Variants in SAMSN1 observed in about 807,000 individuals in gnomAD.
SAMSN1 encodes SAM domain, SH3 domain and nuclear localization signals 1.
A neutral mutation model predicts 42.0 loss-of-function variants in SAMSN1; 31 were observed. That is an observed-to-expected ratio of 0.74 (90% CI 0.55 to 1.00). The LOEUF is 1.00. SAMSN1 is among the 50% of genes least tolerant of loss of function. The pLI is 0.00. For missense variants in SAMSN1, 464 were observed against 439.4 expected (o/e 1.06, Z -0.50); for synonymous variants, 178 against 151.9 (o/e 1.17, Z -1.26).
At chr21:14,550,168 C>T (rs1980552144), upstream of SAMSN1, among the ~76,000 whole-genome samples, 1 of 151,940 alleles carries the variant, frequency 6.6e-6, no homozygotes, top group Non-Finnish European at 1.5e-5. Flanking sequence ...ATGGATATTC[C>T]CCCTGGCCTA....
At chr21:14,557,523 A>G (rs1245138508) in intron 2 of SAMSN1, among the ~76,000 whole-genome samples, 1 of 152,156 alleles carries the variant, frequency 6.6e-6, no homozygotes, top group Non-Finnish European at 1.5e-5. Context: ...GCCTGTACAC[A>G]CATCATTGCT....
chr21:14,569,488 C>T (rs1981223533), intron 2 of SAMSN1, among the ~76,000 whole-genome samples: 1 of 152,066 alleles, frequency 6.6e-6, no homozygotes, highest in Non-Finnish European at 1.5e-5. Context: ...TATTTTTAAT[C>T]TTAACCCTCA....
chr21:14,504,532 A>G (rs1243808094), intron 5 of SAMSN1, among the ~76,000 whole-genome samples: 1 of 152,228 alleles, frequency 6.6e-6, no homozygotes, highest in African/African-American at 2.4e-5. Context: ...GGTCTTTGAA[A>G]TTATCCAAAC....
chr21:14,651,787 T>G (rs1006413980), intron 1 of SAMSN1, among the ~76,000 whole-genome samples: 2 of 151,930 alleles, frequency 1.3e-5, no homozygotes, highest in Non-Finnish European at 2.9e-5. Flanking sequence ...TAAAAATTCC[T>G]CAGGAAAACT....
At chr21:14,561,789 C>T (rs1980954569) in intron 2 of SAMSN1, among the ~76,000 whole-genome samples, 1 of 152,194 alleles carries the variant, frequency 6.6e-6, no homozygotes, top group Non-Finnish European at 1.5e-5. Flanking sequence ...TGGACACCCA[C>T]ATGCACAAAG....
At chr21:14,609,978 G>A (rs1451223134) in intron 4 of SAMSN1, among the ~76,000 whole-genome samples, 1 of 152,164 alleles carries the variant, frequency 6.6e-6, no homozygotes, top group Non-Finnish European at 1.5e-5. Context: ...AGGTGAGGAT[G>A]TATGTCGCCT....
At chr21:14,497,768 C>A (rs748347186) in intron 7 of SAMSN1, among the ~76,000 whole-genome samples, 1 of 152,018 alleles carries the variant, frequency 6.6e-6, no homozygotes, top group Non-Finnish European at 1.5e-5. Flanking sequence ...TGTTTGGGGG[C>A]CTGACCGGAT....
At chr21:14,525,968 G>A (rs761318975) in intron 1 of SAMSN1, among the ~76,000 whole-genome samples, 3 of 152,028 alleles carry the variant, frequency 2.0e-5, no homozygotes, top group Non-Finnish European at 2.9e-5. Context: ...GGATTGAAGC[G>A]ATTCTCCTGC....
chr21:14,491,227 A>G (rs1217945578), intron 7 of SAMSN1, among the ~76,000 whole-genome samples: 1 of 151,886 alleles, frequency 6.6e-6, no homozygotes, highest in African/African-American at 2.4e-5. Flanking sequence ...AGTTGAAGGC[A>G]CTTGAAGAGA....
chr21:14,507,838 TA>T (rs61217333), intron 5 of SAMSN1, among the ~76,000 whole-genome samples: 19,242 of 142,468 alleles, frequency 0.14, 2,683 homozygotes, highest in African/African-American at 0.36. Flanking sequence ...ATGGTACTGG[TA>T]AAAAAAAAAA....
At chr21:14,579,008 C>T (rs1185380763) in intron 2 of SAMSN1, among the ~76,000 whole-genome samples, 2 of 152,018 alleles carry the variant, frequency 1.3e-5, no homozygotes, top group African/African-American at 4.8e-5. Flanking sequence ...TAAATAATAA[C>T]CCTGCAATTA....
At position 14,577,246 on chromosome 21, in the gene SAMSN1, A is replaced by G. The variant is rs1463573607; in HGVS notation, c.261+4890T>C. Among the ~76,000 whole-genome samples the G allele has an allele frequency of 5.3e-4, 15 of 28,118 alleles. 2 individuals carry two copies. Among genetic ancestry groups the G allele is most frequent in the African/African-American group, 3.4e-3 (10 of 2,984 alleles). 18.4% of individuals were successfully genotyped at this position (28,118 alleles called of 152,430 possible). A position where few individuals can be genotyped will look rare whatever the true frequency, so the allele number is the denominator to read the frequency against. On this transcript the variant is annotated intron_variant, in intron 2 of 8. Transcript: ENST00000285670. Reference sequence around the variant, plus strand: ...AATTTATATATATGTGTGTATATATATATATATATATATATATATATATAT... The same window carrying G: ...AATTTATATATATGTGTGTATATATGTATATATATATATATATATATATAT...
At chr21:14,587,861 G>GCACC (rs1311655786), upstream of SAMSN1, among the ~76,000 whole-genome samples, 71 of 150,736 alleles carry the variant, frequency 4.7e-4, no homozygotes, top group Middle Eastern at 6.9e-3. Context: ...CTGGTGCGCT[G>GCACC]CATTAGGTAT....
At chr21:14,512,416 G>A in intron 4 of SAMSN1, 28 bp downstream of exon 4, 1 of 1,609,698 alleles carries the variant, frequency 6.2e-7, no homozygotes, top group Non-Finnish European at 8.5e-7. Flanking sequence ...TCACACCCAG[G>A]ATCTTGTCCC....
At chr21:14,621,567 C>T (rs574038290) in intron 2 of SAMSN1, among the ~76,000 whole-genome samples, 1 of 105,706 alleles carries the variant, frequency 9.5e-6, no homozygotes, top group African/African-American at 3.5e-5. Flanking sequence ...AGTCTGAGAT[C>T]GAACTGCAAG....
At position 14,625,693 on chromosome 21, in the gene SAMSN1, G is replaced by T. The variant is rs146020353; in HGVS notation, c.157-9677C>A. 8.3e-4 allele frequency among the ~76,000 whole-genome samples: 127 copies of T among 152,246 alleles called. 2 individuals carry two copies. In the South Asian group the frequency reaches 0.011, roughly 13 times the overall value. On this transcript the variant is annotated intron_variant, in intron 2 of 15. Transcript: ENST00000647101. ...AGGAAGAATCAGTATTGTGAAAATG[G>T]CCACACTGCCCAAAGTAATTTACAG...
At chr21:14,591,210 G>A (rs1481718833) in intron 7 of SAMSN1, 1 of 152,022 alleles carries the variant, frequency 6.6e-6, no homozygotes, top group Non-Finnish European at 1.5e-5. Flanking sequence ...ACACAATAAA[G>A]CTAGGCAAAA....
At chr21:14,620,726 C>A (rs537489907) in intron 2 of SAMSN1, among the ~76,000 whole-genome samples, 15 of 152,152 alleles carry the variant, frequency 9.9e-5, no homozygotes, top group African/African-American at 3.6e-4. Context: ...ATGAGTTAAC[C>A]TATATAAAAT....
rs540009090 is a variant in SAMSN1 at position 14,657,048 on chromosome 21, CA to C, written c.24+1699del. Among the ~76,000 whole-genome samples, 257 of 151,832 alleles carry C rather than the reference CA, an allele frequency of 1.7e-3. 1 individual carries two copies. Among genetic ancestry groups the C allele is most frequent in the African/African-American group, 6.0e-3 (247 of 41,468 alleles). On this transcript the variant is annotated intron_variant, in intron 1 of 15. Transcript: ENST00000647101. ...TTTTGGATTTTGCATAAGTTCCTGG[CA>C]AAAGCTGTACCCCCACCCCTTTTTC...
Sources: gnomAD v4.1 joint callset for allele counts (sites outside exome capture counted in the v4.1 genomes callset) on GRCh38, gnomAD v4.1.1 for gene constraint, MANE v1.5 for transcripts, NCBI Gene and HGNC (gene_info 2026-07-23, HGNC 2026-07-21) for gene names.